Variants in LRRC8D observed in about 807,000 individuals in gnomAD.
LRRC8D encodes leucine rich repeat containing 8 VRAC subunit D.
In LRRC8D, 20 loss-of-function variants were observed where a neutral mutation model predicts 55.8. The observed-to-expected ratio is 0.36, with a 90% CI of 0.25 to 0.52. The LOEUF (loss-of-function observed/expected upper bound fraction) is 0.52, where lower values mean the gene tolerates loss of function less well. Among genes scored for constraint, LRRC8D ranks in the 20% least tolerant of loss-of-function variants. The pLI is 0.93. For synonymous variants in LRRC8D, 352 were observed against 377.0 expected (o/e 0.93, Z 0.77); for missense variants, 651 against 1,030.8 (o/e 0.63, Z 5.05).
chr1:89,875,501 A>G (rs1662123352), intron 2 of LRRC8D, among the ~76,000 whole-genome samples: 1 of 152,204 alleles, frequency 6.6e-6, no homozygotes, highest in Non-Finnish European at 1.5e-5. Flanking sequence ...ATGGATATCT[A>G]TTAGATATCC....
intron 2 of LRRC8D, among the ~76,000 whole-genome samples, chr1:89,857,091 G>A (rs1042475207): frequency 6.6e-6 from 1 of 152,128 alleles, no homozygotes; most frequent in African/African-American, 2.4e-5. Context: ...GACATTAAGA[G>A]TAATTATCGG....
At chr1:89,843,961 C>T (rs115363384) in intron 2 of LRRC8D, among the ~76,000 whole-genome samples, 179 bp downstream of exon 2, 2 of 91,638 alleles carry the variant, frequency 2.2e-5, no homozygotes, top group Admixed American at 1.3e-4. Context: ...TGGGTTCGGG[C>T]CGGCGGAAGG....
intron 2 of LRRC8D, among the ~76,000 whole-genome samples, chr1:89,932,514 A>G (rs1379190330): frequency 6.6e-6 from 1 of 152,240 alleles, no homozygotes; most frequent in Non-Finnish European, 1.5e-5. Context: ...GAGCGTTACA[A>G]TCATTACTTA....
At position 89,821,140 on chromosome 1, in the gene LRRC8D, AGCCGCGGGCGGG is replaced by A. The variant is rs1448623275; in HGVS notation, c.-290_-279del. On this transcript the variant is annotated 5_prime_UTR_variant, in exon 1 of 3. Transcript: ENST00000337338. ...CTCCTCCGCCGCGCTTCGAGGTGGC[AGCCGCGGGCGGG>A]GCCGCGGGAGCAGGGTCCAGGGTGC... is the stretch of plus-strand genomic sequence containing the variant. The A allele has an allele frequency of 1.3e-5, 2 of 152,334 alleles. No homozygotes were observed. The highest frequency in any genetic ancestry group is 3.8e-4 in the East Asian group (2 of 5,204). The allele number at this position is 152,334 out of a possible 1,614,324, so 9.4% of individuals were successfully genotyped here.
intron 2 of LRRC8D, among the ~76,000 whole-genome samples, chr1:89,894,106 A>G (rs776782129): frequency 3.3e-5 from 5 of 152,246 alleles, no homozygotes. Flanking sequence ...TCATGCTGTT[A>G]TAAAAGGGAC....
chr1:89,919,727 T>C (rs1663365474), intron 2 of LRRC8D, among the ~76,000 whole-genome samples: 1 of 152,228 alleles, frequency 6.6e-6, no homozygotes, highest in African/African-American at 2.4e-5. Flanking sequence ...CAGACTGTTT[T>C]AGGGACTAAT....
intron 2 of LRRC8D, among the ~76,000 whole-genome samples, chr1:89,849,350 A>G (rs911452043): frequency 9.9e-5 from 15 of 152,134 alleles, no homozygotes; most frequent in African/African-American, 3.6e-4. Flanking sequence ...ATTGGCCTTC[A>G]TGAGAATTTC....
chr1:89,931,451 A>G (rs1325179421), intron 2 of LRRC8D, among the ~76,000 whole-genome samples: 1 of 152,110 alleles, frequency 6.6e-6, no homozygotes, highest in East Asian at 1.9e-4. Flanking sequence ...CATTCCAGAC[A>G]ACCCATGAAT....
In LRRC8D at chr1:89,911,686, C is replaced by T. The variant is rs1663136927; in HGVS notation, c.-2-21381C>T. On this transcript the variant is annotated intron_variant, in intron 2 of 2. Transcript: ENST00000337338. This position sits in a 1 kb window ranked among gnomAD's most constrained non-coding sequence, Gnocchi z 4.0. The stretch of plus-strand genomic sequence containing the variant: ...GTGAATATTCACTTTCCCACATACC[C>T]TTGCACACGTGAGCCAGACTTTTTC... 7.4e-6 allele frequency among the ~76,000 whole-genome samples: 1 copy of T among 135,504 alleles called. No individual in the cohort carries two copies. Among genetic ancestry groups the T allele is most frequent in the Non-Finnish European group, 1.6e-5 (1 of 62,250 alleles). The allele number at this position is 135,504 out of a possible 152,430, so 88.9% of individuals were successfully genotyped here.
chr1:89,901,993 T>C (rs893489967), intron 2 of LRRC8D, among the ~76,000 whole-genome samples: 1 of 152,232 alleles, frequency 6.6e-6, no homozygotes, highest in African/African-American at 2.4e-5. Flanking sequence ...GTGCTGCTTT[T>C]AGTATAGTAA....
chr1:89,843,762 C>T lies in LRRC8D; in HGVS notation c.-23C>T, dbSNP rs1280648061. ...GTCCCCAGAGAGCGCCCTGAGAGAA[C>T]AGGGTGGCCGCTTGGTCCAGGTGCG... On this transcript the variant is annotated 5_prime_UTR_variant, in exon 2 of 3. Transcript: ENST00000337338. The T allele has an allele frequency of 1.4e-6, 1 of 694,130 alleles. No homozygotes were observed. The highest frequency in any genetic ancestry group is 1.8e-5 in the African/African-American group (1 of 56,966). 43.0% of individuals were successfully genotyped at this position (694,130 alleles called of 1,614,324 possible). A position where few individuals can be genotyped will look rare whatever the true frequency, so the allele number is the denominator to read the frequency against.
chr1:89,858,170 C>T (rs146341618), intron 2 of LRRC8D, among the ~76,000 whole-genome samples: 44 of 152,198 alleles, frequency 2.9e-4, no homozygotes, highest in Admixed American at 2.5e-3. Flanking sequence ...CAGAGATTGC[C>T]GTGAGCAGAG....
At chr1:89,821,476 T>C (rs1212715889) in intron 1 of LRRC8D, among the ~76,000 whole-genome samples, 185 bp downstream of exon 1, 1 of 152,198 alleles carries the variant, frequency 6.6e-6, no homozygotes, top group East Asian at 1.9e-4. Flanking sequence ...CGGAGTGGGC[T>C]CCCGTTTGCT....
intron 1 of LRRC8D, among the ~76,000 whole-genome samples, chr1:89,823,477 A>C (rs1309243399): frequency 6.6e-6 from 1 of 152,222 alleles, no homozygotes; most frequent in East Asian, 1.9e-4. Flanking sequence ...TTTGGTAGCT[A>C]TAGTTTGGAA....
chr1:89,891,335 A>G (rs1411381583), intron 2 of LRRC8D, among the ~76,000 whole-genome samples: 2 of 152,188 alleles, frequency 1.3e-5, no homozygotes, highest in Non-Finnish European at 2.9e-5. Flanking sequence ...GTGTTCTTCC[A>G]AGTTCGTCAT....
At chr1:89,931,398 C>G (rs1663701233) in intron 2 of LRRC8D, among the ~76,000 whole-genome samples, 1 of 152,006 alleles carries the variant, frequency 6.6e-6, no homozygotes, top group South Asian at 2.1e-4. Flanking sequence ...AGCACTGTTT[C>G]CTACTGAAAC....
intron 2 of LRRC8D, among the ~76,000 whole-genome samples, chr1:89,903,022 A>C (rs1438254167): frequency 6.6e-6 from 1 of 152,180 alleles, no homozygotes; most frequent in Non-Finnish European, 1.5e-5. Context: ...GGCTCACTAA[A>C]TCCCCACCAC....
intron 2 of LRRC8D, among the ~76,000 whole-genome samples, chr1:89,891,030 C>T (rs935836161): frequency 8.5e-5 from 13 of 152,170 alleles, no homozygotes; most frequent in Non-Finnish European, 1.6e-4. Flanking sequence ...TGCAGGCGCC[C>T]ACCACCATGC....
chr1:89,838,543 A>G (rs1188713330), intron 1 of LRRC8D, among the ~76,000 whole-genome samples: 1 of 152,238 alleles, frequency 6.6e-6, no homozygotes, highest in East Asian at 1.9e-4. Context: ...ATCAACAGTC[A>G]TTAAATAATC....
Sources: allele counts gnomAD v4.1 joint callset (sites outside exome capture counted in the v4.1 genomes callset), GRCh38; gene constraint gnomAD v4.1.1; non-coding constraint Gnocchi (gnomAD v3.1); transcripts MANE v1.5; gene names NCBI Gene and HGNC (gene_info 2026-07-23, HGNC 2026-07-21).